PSMG4: variants seen among roughly 807,000 people sequenced by gnomAD.
The protein encoded by PSMG4 is proteasome assembly chaperone 4.
A neutral mutation model predicts 11.0 loss-of-function variants in PSMG4; 10 were observed. The observed-to-expected ratio is 0.91, with a 90% CI of 0.56 to 1.54. The LOEUF (loss-of-function observed/expected upper bound fraction) is 1.54, where lower values mean the gene tolerates loss of function less well. PSMG4 is among the 40% of genes most tolerant of loss of function. The probability of loss-of-function intolerance (pLI) is 0.00; values close to 1 mark genes in which losing one functional copy is unlikely to be tolerated. For synonymous variants in PSMG4, 95 were observed against 71.3 expected (o/e 1.33, Z -1.68); for missense variants, 198 against 160.9 (o/e 1.23, Z -1.25).
Position 3,259,054 on chromosome 6 carries a change from A to G in PSMG4, c.32A>G (p.Asp11Gly). 1 of 1,254,440 alleles carries G rather than the reference A, an allele frequency of 8.0e-7. No homozygotes were observed. 77.7% of individuals were successfully genotyped at this position (1,254,440 alleles called of 1,614,324 possible). The stretch of plus-strand genomic sequence containing the variant: ...GGGCTGGTTGTCGCCGCCGGCGGGG[A>G]CGTCTCCCTGCACAACTTCAGCGCG... MEGLVVAAGG[D>G]VSLHNFSARL... is the part of the protein sequence containing the mutation. Residue 11 changes from aspartate to glycine, a missense_variant, in exon 1 of 3, where the codon GAC becomes GGC. Coordinates refer to ENST00000438998, the MANE Select transcript of PSMG4 (RefSeq NM_001128591.2).
chr6:3,259,587 C>T (rs923338025), intron 1 of PSMG4, among the ~76,000 whole-genome samples: 3 of 152,246 alleles, frequency 2.0e-5, no homozygotes, highest in African/African-American at 4.8e-5. Context: ...TCAGGCATTT[C>T]GCACTAGGCA....
At chr6:3,256,477 C>G (rs1033982096), upstream of PSMG4, among the ~76,000 whole-genome samples, 11 of 152,292 alleles carry the variant, frequency 7.2e-5, no homozygotes, top group Non-Finnish European at 1.5e-4. Context: ...GCATCTTCCT[C>G]CTCCTGTGAT....
chr6:3,260,177 G>A (rs780419893), intron 1 of PSMG4, among the ~76,000 whole-genome samples: 1 of 135,258 alleles, frequency 7.4e-6, no homozygotes, highest in Non-Finnish European at 1.6e-5. Flanking sequence ...GGCCTCAAGT[G>A]ATGATCCTCC....
chr6:3,255,855 C>T (rs1470311750), upstream of PSMG4, among the ~76,000 whole-genome samples: 2 of 97,354 alleles, frequency 2.1e-5, no homozygotes, highest in Admixed American at 1.2e-4. Context: ...GTCCATCTCA[C>T]GTGAATGCAA....
chr6:3,255,042 T>C (rs1477141224), upstream of PSMG4: 2 of 1,550,414 alleles, frequency 1.3e-6, no homozygotes, highest in Admixed American at 2.0e-5. Flanking sequence ...TTTCTGATTC[T>C]CTGGACAGGA....
intron 2 of PSMG4, 92 bp downstream of exon 2, chr6:3,263,851 C>T (rs374734573): frequency 1.7e-5 from 26 of 1,500,334 alleles, no homozygotes; most frequent in Admixed American, 7.0e-5. Flanking sequence ...AGTAAAGCAT[C>T]TTTATGCTAA....
chr6:3,256,084 C>T (rs1757752153), upstream of PSMG4, among the ~76,000 whole-genome samples: 1 of 152,206 alleles, frequency 6.6e-6, no homozygotes, highest in Non-Finnish European at 1.5e-5. Flanking sequence ...AGTCTACCAC[C>T]ACTGCATCCT....
At chr6:3,261,666 G>C (rs1417828325) in intron 1 of PSMG4, among the ~76,000 whole-genome samples, 1 of 152,194 alleles carries the variant, frequency 6.6e-6, no homozygotes, top group Non-Finnish European at 1.5e-5. Context: ...GTTCTCTCCA[G>C]GGGCAGAGAG....
At chr6:3,256,616 G>T (rs187926951), upstream of PSMG4, among the ~76,000 whole-genome samples, 696 of 152,310 alleles carry the variant, frequency 4.6e-3, 5 homozygotes, top group African/African-American at 0.011. Context: ...TTTTTGGGGG[G>T]TGACAACATT....
upstream of PSMG4, among the ~76,000 whole-genome samples, chr6:3,254,513 T>C (rs978278565): frequency 1.6e-4 from 25 of 152,118 alleles, no homozygotes; most frequent in East Asian, 9.6e-4. Context: ...ATGTGTTGGG[T>C]TTATGAGCTG....
upstream of PSMG4, chr6:3,254,981 G>C: frequency 6.7e-7 from 1 of 1,482,202 alleles, no homozygotes; most frequent in Non-Finnish European, 9.1e-7. Context: ...TGTGGCTGTG[G>C]ATCCCATGGA....
At chr6:3,259,817 G>A (rs767427385) in intron 1 of PSMG4, among the ~76,000 whole-genome samples, 6 of 152,142 alleles carry the variant, frequency 3.9e-5, no homozygotes, top group Non-Finnish European at 8.8e-5. Context: ...CCAAGCCTGG[G>A]ACATTATCAT....
intron 1 of PSMG4, among the ~76,000 whole-genome samples, chr6:3,262,439 T>G (rs922723810): frequency 2.0e-5 from 3 of 152,242 alleles, no homozygotes; most frequent in Non-Finnish European, 4.4e-5. Context: ...CTCATTAAGA[T>G]ATTTTTGTAT....
intron 2 of PSMG4, chr6:3,264,184 C>T (rs564182290): frequency 5.2e-6 from 8 of 1,551,210 alleles, no homozygotes; most frequent in African/African-American, 4.1e-5. Flanking sequence ...GAAGGACTGT[C>T]CTCACTCAGT....
At chr6:3,254,825 C>T (rs963903378), upstream of PSMG4, among the ~76,000 whole-genome samples, 2 of 152,214 alleles carry the variant, frequency 1.3e-5, no homozygotes, top group Non-Finnish European at 2.9e-5. Context: ...ATTCTGGACA[C>T]AGTGGGACCT....
At chr6:3,254,898 G>A (rs566152746), upstream of PSMG4, among the ~76,000 whole-genome samples, 1 of 150,434 alleles carries the variant, frequency 6.6e-6, no homozygotes, top group Non-Finnish European at 1.5e-5. Flanking sequence ...CCTTGTAAGT[G>A]AATGATCTCT....
upstream of PSMG4, among the ~76,000 whole-genome samples, chr6:3,254,812 C>CCAATTCTGGACACAGTGGGA (rs1554128736): frequency 3.0e-4 from 45 of 152,294 alleles, 1 homozygote; most frequent in Non-Finnish European, 5.4e-4. Context: ...CAACAAGACA[C>CCAATTCTGGACACAGTGGGA]CAATTCTGGA....
At chr6:3,257,949 G>T (rs1236364379), upstream of PSMG4, among the ~76,000 whole-genome samples, 1 of 152,190 alleles carries the variant, frequency 6.6e-6, no homozygotes, top group African/African-American at 2.4e-5. Context: ...TAGAACTATG[G>T]AAAATGCCCT....
chr6:3,267,485 C>A, intron 2 of PSMG4, 106 bp from the exon 3 acceptor site: 1 of 1,346,230 alleles, frequency 7.4e-7, no homozygotes, highest in Non-Finnish European at 1.0e-6. Context: ...TTTCTCCCTA[C>A]AACCCCATCC....
Sources: allele counts gnomAD v4.1 joint callset (sites outside exome capture counted in the v4.1 genomes callset), GRCh38; gene constraint gnomAD v4.1.1; transcripts MANE v1.5; gene names NCBI Gene and HGNC (gene_info 2026-07-23, HGNC 2026-07-21).